Variants in SRSF4 observed in about 807,000 individuals in gnomAD.
The protein encoded by SRSF4 is serine and arginine rich splicing factor 4.
In SRSF4, 12 loss-of-function variants were observed where a neutral mutation model predicts 48.8. The observed-to-expected ratio is 0.25, with a 90% CI of 0.16 to 0.40. The LOEUF (loss-of-function observed/expected upper bound fraction) is 0.40. Among genes scored for constraint, SRSF4 ranks in the 10% least tolerant of loss-of-function variants. The pLI is 1.00. For synonymous variants in SRSF4, 248 were observed against 232.5 expected (o/e 1.07, Z -0.61); for missense variants, 466 against 667.1 (o/e 0.70, Z 3.32).
At chr1:29,153,165 T>C (rs1672440986) in intron 4 of SRSF4, among the ~76,000 whole-genome samples, 1 of 152,154 alleles carries the variant, frequency 6.6e-6, no homozygotes, top group Admixed American at 6.5e-5. Context: ...AGAGTCTCTT[T>C]CTGTCGCCCA....
In SRSF4 at chr1:29,160,362, T is replaced by C; in HGVS notation, c.250+13A>G. On this transcript the variant is annotated intron_variant, in intron 2 of 5. Transcript: ENST00000373795. ...GCACGTTACTGATAAAAGTATGCCCTTTGAATGCTTACTGCGTCCAGAACC... is the reference window on the plus strand; with the variant it reads ...GCACGTTACTGATAAAAGTATGCCCCTTGAATGCTTACTGCGTCCAGAACC... 6.2e-7 allele frequency: 1 copy of C among 1,605,632 alleles called. No homozygotes were observed. The highest frequency in any genetic ancestry group is 1.1e-5 in the South Asian group (1 of 89,496).
At chr1:29,165,231 C>A (rs1672655099) in intron 1 of SRSF4, among the ~76,000 whole-genome samples, 1 of 152,194 alleles carries the variant, frequency 6.6e-6, no homozygotes, top group Admixed American at 6.5e-5. Context: ...TATCTGGATA[C>A]CACAAACAAA....
At chr1:29,178,043 G>A (rs1672896094) in intron 1 of SRSF4, among the ~76,000 whole-genome samples, 1 of 151,608 alleles carries the variant, frequency 6.6e-6, no homozygotes, top group Admixed American at 6.6e-5. Flanking sequence ...GGGATTACAG[G>A]TGCCCACCAC....
intron 1 of SRSF4, among the ~76,000 whole-genome samples, chr1:29,180,081 A>C (rs1410121469): frequency 6.6e-6 from 1 of 152,226 alleles, no homozygotes; most frequent in Non-Finnish European, 1.5e-5. Context: ...CTTTACATTT[A>C]TTATCTCTAA....
intron 5 of SRSF4, among the ~76,000 whole-genome samples, chr1:29,149,638 G>A (rs992963094): frequency 2.0e-5 from 3 of 147,862 alleles, no homozygotes; most frequent in Admixed American, 6.9e-5. Flanking sequence ...CCGAGATCGC[G>A]CCACTGCACT....
rs6143174 is a variant in SRSF4, at chr1:29,159,108, ACAAAC to A, written c.363+261_363+265del. 8.5e-3 allele frequency among the ~76,000 whole-genome samples: 1,258 copies of A among 148,532 alleles called. 18 individuals carry two copies. The highest frequency in any genetic ancestry group is 0.018 in the African/African-American group (746 of 40,452). On this transcript the variant is annotated intron_variant, in intron 3 of 5. Transcript: ENST00000373795. The stretch of plus-strand genomic sequence containing the variant: ...GCAACACAGCGAGACTCCATCTCAA[ACAAAC>A]CAAACCAAACCAAACCAAACCAAAC...
chr1:29,176,318 T>C (rs1199844364), intron 1 of SRSF4, among the ~76,000 whole-genome samples: 2 of 151,850 alleles, frequency 1.3e-5, no homozygotes, highest in African/African-American at 4.8e-5. Context: ...AGGCAAAGTG[T>C]TTGCTTTTTC....
chr1:29,170,120 G>A (rs1315242943), intron 1 of SRSF4: 1 of 152,118 alleles, frequency 6.6e-6, no homozygotes, highest in Non-Finnish European at 1.5e-5. Flanking sequence ...AATCATCTGT[G>A]TCCATTTCAA....
intron 1 of SRSF4, among the ~76,000 whole-genome samples, chr1:29,162,523 C>T (rs1672615277): frequency 6.6e-6 from 1 of 152,170 alleles, no homozygotes; most frequent in African/African-American, 2.4e-5. Flanking sequence ...ACAATAACAA[C>T]AACAAAAGTG....
At chr1:29,177,893 AT>A (rs397979781) in intron 1 of SRSF4, among the ~76,000 whole-genome samples, 2,095 of 93,552 alleles carry the variant, frequency 0.022, 16 homozygotes, top group African/African-American at 0.045. Flanking sequence ...ATTACACAAG[AT>A]TTTTTTTTTT....
intron 1 of SRSF4, among the ~76,000 whole-genome samples, chr1:29,175,635 C>T (rs1340000739): frequency 8.6e-6 from 1 of 116,722 alleles, no homozygotes; most frequent in Non-Finnish European, 1.6e-5. Context: ...GCGGAGCTTG[C>T]AGTGAGCCGA....
At position 29,148,503 on chromosome 1, in the gene SRSF4, T is replaced by A; in HGVS notation, c.1392A>T (p.Ser464=). The change falls in exon 6 of 6, where the codon TCA becomes TCT. Residue 464 remains serine, a synonymous_variant. Coordinates refer to ENST00000373795, the MANE Select transcript of SRSF4 (RefSeq NM_005626.5). ...TGGACCGAGATCGGGTTTTTGAAGC[T>A]GACTTTGATCTGGAGCGTGATTCTG... ...LPSESRSRSK[S]ASKTRSRSKS... is the part of the protein sequence containing the mutation. 3 of 1,614,130 alleles carry A rather than the reference T, an allele frequency of 1.9e-6. No individual in the cohort carries two copies. The highest frequency in any genetic ancestry group is 2.5e-6 in the Non-Finnish European group (3 of 1,180,014).
chr1:29,160,258 A>G (rs1672573465), intron 2 of SRSF4, 117 bp downstream of exon 2: 1 of 1,227,118 alleles, frequency 8.1e-7, no homozygotes, highest in Non-Finnish European at 1.1e-6. Context: ...AAGATACATA[A>G]TTTACAAAAT....
intron 5 of SRSF4, among the ~76,000 whole-genome samples, chr1:29,149,539 G>C (rs1237558817): frequency 4.6e-5 from 7 of 152,058 alleles, no homozygotes; most frequent in African/African-American, 1.4e-4. Flanking sequence ...AAATTAGCCA[G>C]GCATGCTGGC....
chr1:29,157,210 T>C (rs1210341726), intron 3 of SRSF4, among the ~76,000 whole-genome samples: 2 of 152,048 alleles, frequency 1.3e-5, no homozygotes, highest in Non-Finnish European at 2.9e-5. Context: ...AAGGCTTTCC[T>C]CCTCCCACAA....
intron 1 of SRSF4, chr1:29,173,161 A>G (rs1335430075): frequency 4.5e-5 from 5 of 111,012 alleles, no homozygotes; most frequent in Middle Eastern, 8.8e-3. Flanking sequence ...TTTTTGAGAC[A>G]GAGTCTTGCT....
At chr1:29,170,464 T>G (rs1672730797) in intron 1 of SRSF4, 1 of 152,172 alleles carries the variant, frequency 6.6e-6, no homozygotes, top group South Asian at 2.1e-4. Context: ...GTGTTAAAGC[T>G]TCATTAAAGA....
In SRSF4 at chr1:29,148,226, G is replaced by T; in HGVS notation, c.*184C>A. On this transcript the variant is annotated 3_prime_UTR_variant, in exon 6 of 6. Transcript: ENST00000373795. ...CAAAGAGAAAATTTTTTTCAGTCGA[G>T]CAGGAAGGCCTGGTGCCAGGAGGCT... 1 of 880,564 alleles carries T rather than the reference G, an allele frequency of 1.1e-6. No homozygotes were observed. Among genetic ancestry groups the T allele is most frequent in the Non-Finnish European group, 1.8e-6 (1 of 547,780 alleles). The allele number at this position is 880,564 out of a possible 1,614,324, so 54.5% of individuals were successfully genotyped here.
rs191621213 is a variant in SRSF4, at chr1:29,169,832, A to G, written c.108-9315T>C. ...CAGAACAATCATTATCCTAAACACC[A>G]AACAGTAAAACTAAATCCTCCCAGA... On this transcript the variant is annotated intron_variant, in intron 1 of 5. Coordinates refer to ENST00000373795, the MANE Select transcript of SRSF4 (RefSeq NM_005626.5). 4 of 152,314 alleles carry G rather than the reference A, an allele frequency of 2.6e-5. No homozygotes were observed. In the East Asian group the frequency reaches 5.8e-4, roughly 22 times the overall value. The allele number at this position is 152,314 out of a possible 1,614,324, so 9.4% of individuals were successfully genotyped here.
Sources: gnomAD v4.1 joint callset for allele counts (sites outside exome capture counted in the v4.1 genomes callset) on GRCh38, gnomAD v4.1.1 for gene constraint, MANE v1.5 for transcripts, NCBI Gene and HGNC (gene_info 2026-07-23, HGNC 2026-07-21) for gene names.